The following CFAP263 variants were observed in gnomAD, a reference collection of about 807,000 sequenced individuals.
The protein encoded by CFAP263 is cilia and flagella associated protein 263, also known as cilia- and flagella-associated protein 263.
chr16:58,259,875 C>A, the CFAP263 span: 5 of 1,591,672 alleles, frequency 3.1e-6, no homozygotes, highest in Admixed American at 6.8e-5. Context: ...GGAGAAATTA[C>A]GTTTGAAAAA....
the CFAP263 span, chr16:58,279,674 C>CTTTT: frequency 7.2e-7 from 1 of 1,397,204 alleles, no homozygotes; most frequent in Non-Finnish European, 9.7e-7. Context: ...TTCTTTTTTT[C>CTTTT]TTTTTTTTTT....
At chr16:58,273,927 A>G in the CFAP263 span, among the ~76,000 whole-genome samples, 1 of 152,196 alleles carries the variant, frequency 6.6e-6, no homozygotes, top group African/African-American at 2.4e-5. Flanking sequence ...CTCACATGGT[A>G]CAGCCTTAGT....
the CFAP263 span, chr16:58,283,603 G>T: frequency 6.6e-6 from 1 of 152,176 alleles, no homozygotes; most frequent in Non-Finnish European, 1.5e-5. Context: ...ATCTGAGGAA[G>T]TATGATACTT....
At chr16:58,260,569 G>C in the CFAP263 span, among the ~76,000 whole-genome samples, 2 of 152,172 alleles carry the variant, frequency 1.3e-5, no homozygotes, top group African/African-American at 4.8e-5. Flanking sequence ...AATATGGCCT[G>C]GTGGCACAGT....
At chr16:58,252,541 C>T in the CFAP263 span, among the ~76,000 whole-genome samples, 4 of 152,002 alleles carry the variant, frequency 2.6e-5, no homozygotes, top group Non-Finnish European at 4.4e-5. Flanking sequence ...GGCACTGTGC[C>T]AGAGGCTTTG....
At chr16:58,259,550 T>C in the CFAP263 span, among the ~76,000 whole-genome samples, 1 of 152,164 alleles carries the variant, frequency 6.6e-6, no homozygotes, top group Non-Finnish European at 1.5e-5. Context: ...ACCGTGGGAA[T>C]ACAAGACCAA....
the CFAP263 span, chr16:58,267,361 G>A: frequency 2.8e-6 from 2 of 717,884 alleles, no homozygotes; most frequent in Admixed American, 2.5e-5. Context: ...CATGAGAAAG[G>A]CAATTTGGAC....
the CFAP263 span, among the ~76,000 whole-genome samples, chr16:58,269,206 C>T: frequency 2.6e-5 from 4 of 152,098 alleles, no homozygotes; most frequent in Non-Finnish European, 5.9e-5. Flanking sequence ...TGGTGGGCAC[C>T]TGTAGTCCCA....
the CFAP263 span, among the ~76,000 whole-genome samples, chr16:58,276,133 A>G: frequency 5.3e-5 from 8 of 152,230 alleles, no homozygotes; most frequent in African/African-American, 1.7e-4. Flanking sequence ...AATAGAAAAA[A>G]TGGACAAAAG....
chr16:58,267,989 G>A, the CFAP263 span, among the ~76,000 whole-genome samples: 2 of 151,658 alleles, frequency 1.3e-5, no homozygotes, highest in African/African-American at 4.9e-5. Context: ...ATGTAAAGGA[G>A]AGACAGAGAG....
At chr16:58,279,821 A>C in the CFAP263 span, 1 of 1,436,926 alleles carries the variant, frequency 7.0e-7, no homozygotes, top group Non-Finnish European at 9.7e-7. Context: ...TGACCTATAA[A>C]AGTAATCAGC....
chr16:58,256,513 C>T, the CFAP263 span, among the ~76,000 whole-genome samples: 4 of 152,056 alleles, frequency 2.6e-5, no homozygotes, highest in South Asian at 4.1e-4. Flanking sequence ...TTGAGGAGGC[C>T]GGTGTGATTA....
the CFAP263 span, among the ~76,000 whole-genome samples, chr16:58,251,220 C>T: frequency 0.14 from 21,877 of 152,128 alleles, 2,069 homozygotes; most frequent in East Asian, 0.33. Context: ...GAAACAAAGA[C>T]GCAGAGGTGA....
the CFAP263 span, chr16:58,262,689 T>A: frequency 6.1e-6 from 4 of 660,020 alleles, no homozygotes; most frequent in Non-Finnish European, 9.7e-6. Context: ...CCCTGAATGC[T>A]CCCACAACCC....
At chr16:58,278,485 C>T in the CFAP263 span, 9 of 1,613,710 alleles carry the variant, frequency 5.6e-6, no homozygotes, top group Middle Eastern at 1.7e-4. Context: ...AACCCAGGAC[C>T]GGGCCAAAGC....
At chr16:58,250,130 G>T in the CFAP263 span, 1 of 1,523,020 alleles carries the variant, frequency 6.6e-7, no homozygotes, top group East Asian at 2.4e-5. Flanking sequence ...CGCCGCCCGC[G>T]CCTGGGGGCC....
the CFAP263 span, among the ~76,000 whole-genome samples, chr16:58,257,497 A>G: frequency 1.3e-5 from 2 of 151,922 alleles, no homozygotes; most frequent in Non-Finnish European, 2.9e-5. Context: ...TCGCGGTCGC[A>G]ATCATAGCAC....
chr16:58,283,231 G>A, the CFAP263 span: 1 of 152,210 alleles, frequency 6.6e-6, no homozygotes, highest in African/African-American at 2.4e-5. Flanking sequence ...TCTACATGTG[G>A]GAATTGTGGC....
At chr16:58,251,992 A>G in the CFAP263 span, among the ~76,000 whole-genome samples, 1 of 146,936 alleles carries the variant, frequency 6.8e-6, no homozygotes, top group African/African-American at 2.6e-5. Flanking sequence ...CTTTTCATCT[A>G]TTGGGTACTG....
Sources: allele counts gnomAD v4.1 joint callset (sites outside exome capture counted in the v4.1 genomes callset), GRCh38; gene constraint gnomAD v4.1.1; transcripts MANE v1.5; gene names NCBI Gene and HGNC (gene_info 2026-07-23, HGNC 2026-07-21).